The following PHTF1 variants were observed in gnomAD, a reference collection of about 807,000 sequenced individuals.
PHTF1 encodes the protein putative homeodomain transcription factor 1.
PHTF1 carries 88 observed loss-of-function variants against 102.4 expected under a neutral mutation model. That is an observed-to-expected ratio of 0.86 (90% confidence interval 0.72 to 1.03). PHTF1 has a LOEUF of 1.03. PHTF1 is among the 50% of genes least tolerant of loss of function. The probability of loss-of-function intolerance (pLI) is 0.00; values close to 1 mark genes in which losing one functional copy is unlikely to be tolerated. For synonymous variants in PHTF1, 289 were observed against 305.2 expected, an observed-to-expected ratio of 0.95 and a Z score of 0.55; for missense variants, 814 against 909.5, an observed-to-expected ratio of 0.89 and a Z score of 1.35.
chr1:113,706,521 A>C, intron 12 of PHTF1, 73 bp downstream of exon 12: 11 of 1,220,316 alleles, frequency 9.0e-6, no homozygotes, highest in Non-Finnish European at 1.0e-5. Flanking sequence ...TTAATCACTA[A>C]GAGATTCTTA....
At chr1:113,699,274 A>C (rs1649180663) in intron 17 of PHTF1, 1 of 266,574 alleles carries the variant, frequency 3.8e-6, no homozygotes, top group Non-Finnish European at 7.4e-6. Flanking sequence ...GTCTCCTCAC[A>C]CAGGGAGGAT....
At chr1:113,725,111 A>C (rs557752835) in intron 6 of PHTF1, among the ~76,000 whole-genome samples, 247 of 152,332 alleles carry the variant, frequency 1.6e-3, no homozygotes, top group Non-Finnish European at 2.8e-3. Context: ...CAGTCATTAA[A>C]GAAATAGAAC....
chr1:113,706,081 G>GT lies in PHTF1; in HGVS notation c.1479dup (p.His494ThrfsTer6). ...AGGCTCTTCTCACGGAAAAGTCGAT[G>GT]TAAGAATGGAAAAAATGCTAATCCA... On this transcript the variant is annotated frameshift_variant, in exon 13 of 19. Transcript: ENST00000369604. LOFTEE classifies it high-confidence loss of function. 1 of 1,614,062 alleles carries GT rather than the reference G, an allele frequency of 6.2e-7. No individual in the cohort carries two copies. The highest frequency in any genetic ancestry group is 2.2e-5 in the East Asian group (1 of 44,864).
At chr1:113,739,837 C>T (rs1300238035) in intron 3 of PHTF1, among the ~76,000 whole-genome samples, 1 of 152,194 alleles carries the variant, frequency 6.6e-6, no homozygotes, top group Non-Finnish European at 1.5e-5. Flanking sequence ...AAGTATTTAT[C>T]GTTCTGTGCC....
chr1:113,701,859 A>G (rs1042980197), intron 15 of PHTF1, among the ~76,000 whole-genome samples: 1 of 138,148 alleles, frequency 7.2e-6, no homozygotes, highest in Non-Finnish European at 1.5e-5. Context: ...AAAAAAAAAA[A>G]TCATTCAGAA....
chr1:113,726,542 T>C lies in PHTF1; in HGVS notation c.364A>G (p.Ile122Val), dbSNP rs778609713. Residue 122 changes from isoleucine to valine, a missense_variant, in exon 6 of 19, where the codon ATT becomes GTT. Ile to Val is a conservative substitution (Grantham distance 29, BLOSUM62 3). Coordinates refer to ENST00000369604, the MANE Select transcript of PHTF1 (RefSeq NM_001323043.2). Reference sequence around the variant, plus strand: ...CCAAGTACTTCACTTATGTTCACAATAGGCATCATCAAATATAAGACAATT... The same window carrying C: ...CCAAGTACTTCACTTATGTTCACAACAGGCATCATCAAATATAAGACAATT... ...IAIVLYLMMP[I>V]VNISEVLGPL... The C allele has an allele frequency of 4.4e-6, 7 of 1,601,576 alleles. No homozygotes were observed. The Admixed American group carries it at 8.7e-5, about 20-fold the overall frequency.
chr1:113,741,106 C>T (rs1656284991), intron 3 of PHTF1, among the ~76,000 whole-genome samples: 1 of 152,220 alleles, frequency 6.6e-6, no homozygotes, highest in African/African-American at 2.4e-5. Context: ...GATATTCAAT[C>T]ACTAAAATTA....
intron 3 of PHTF1, among the ~76,000 whole-genome samples, chr1:113,747,267 T>C (rs972398745): frequency 1.3e-5 from 2 of 152,242 alleles, no homozygotes; most frequent in African/African-American, 2.4e-5. Context: ...CTATTATATT[T>C]TCCTCTCACA....
At chr1:113,755,225 T>C (rs1408890526) in intron 3 of PHTF1, among the ~76,000 whole-genome samples, 3 of 152,176 alleles carry the variant, frequency 2.0e-5, no homozygotes, top group Non-Finnish European at 2.9e-5. Context: ...TGTATTTGTG[T>C]TCATGTATTT....
chr1:113,751,170 G>A (rs913573600), intron 3 of PHTF1, among the ~76,000 whole-genome samples: 1 of 152,008 alleles, frequency 6.6e-6, no homozygotes, highest in Non-Finnish European at 1.5e-5. Flanking sequence ...TACATTTTTG[G>A]TGTACTATAT....
intron 3 of PHTF1, among the ~76,000 whole-genome samples, chr1:113,748,738 G>A (rs1040987034): frequency 6.6e-6 from 1 of 151,956 alleles, no homozygotes; most frequent in African/African-American, 2.4e-5. Context: ...GTATCACCAT[G>A]TTGCCCAAGC....
intron 2 of PHTF1, among the ~76,000 whole-genome samples, chr1:113,758,215 G>A (rs1457800762): frequency 1.9e-5 from 2 of 104,680 alleles, no homozygotes; most frequent in South Asian, 3.3e-4. Flanking sequence ...TGGGCAACAA[G>A]AGCGAAACTC....
intron 3 of PHTF1, among the ~76,000 whole-genome samples, chr1:113,741,760 C>T (rs1179602889): frequency 6.6e-6 from 1 of 152,076 alleles, no homozygotes; most frequent in East Asian, 1.9e-4. Flanking sequence ...CAAAACACGG[C>T]TCTATCTTCA....
At chr1:113,752,354 G>A (rs1251411797) in intron 3 of PHTF1, among the ~76,000 whole-genome samples, 1 of 133,278 alleles carries the variant, frequency 7.5e-6, no homozygotes, top group Non-Finnish European at 1.6e-5. Context: ...TCTTGTATTT[G>A]AAGACCTTGC....
chr1:113,713,246 A>G, intron 8 of PHTF1, 33 bp downstream of exon 8: 3 of 1,593,668 alleles, frequency 1.9e-6, no homozygotes, highest in Non-Finnish European at 2.6e-6. Context: ...ACATGGGGAA[A>G]AAAACCCCTT....
chr1:113,706,031 A>G lies in PHTF1; in HGVS notation c.1530T>C (p.Ala510=). The change falls in exon 13 of 19, where the codon GCT becomes GCC. Residue 510 remains alanine, a synonymous_variant. Coordinates refer to ENST00000369604, the MANE Select transcript of PHTF1 (RefSeq NM_001323043.2). ...KSLDQLKSIS[A]EEILTLFCGA... ...CACAAAAGAGAGTCAAGATCTCCTC[A>G]GCTGAAATGGACTTTAGTTGGTCAA... 1.2e-6 allele frequency: 2 copies of G among 1,614,208 alleles called. No individual in the cohort carries two copies. The highest frequency in any genetic ancestry group is 1.7e-6 in the Non-Finnish European group (2 of 1,180,010).
At chr1:113,708,098 C>G (rs1650490399) in intron 11 of PHTF1, among the ~76,000 whole-genome samples, 1 of 151,968 alleles carries the variant, frequency 6.6e-6, no homozygotes, top group Admixed American at 6.6e-5. Flanking sequence ...AGCAAGCAAT[C>G]CAGAAAGAAG....
rs753250696 is a variant in PHTF1, at chr1:113,738,195, T to A, written c.246A>T (p.Val82=). The change falls in exon 5 of 19, where the codon GTA becomes GTT. Residue 82 remains valine, a synonymous_variant. Coordinates refer to ENST00000369604, the MANE Select transcript of PHTF1 (RefSeq NM_001323043.2). ...SLTRKGLVRV[V]FFPLFSNWWI... is the part of the protein sequence containing the mutation. ...ACCAATTGCTGAACAATGGAAAAAA[T>A]ACAACTCGAACAAGCCCCTTCCGAG... 6.2e-7 allele frequency: 1 copy of A among 1,613,546 alleles called. No individual in the cohort carries two copies. The highest frequency in any genetic ancestry group is 1.3e-5 in the African/African-American group (1 of 74,876).
chr1:113,758,949 C>A, intron 1 of PHTF1, 74 bp downstream of exon 1: 1 of 804,160 alleles, frequency 1.2e-6, no homozygotes, highest in Middle Eastern at 6.2e-4. Context: ...TTCGTGGGTG[C>A]GGGGGAGGGG....
Sources: allele counts gnomAD v4.1 joint callset (sites outside exome capture counted in the v4.1 genomes callset), GRCh38; gene constraint gnomAD v4.1.1; transcripts MANE v1.5; gene names NCBI Gene and HGNC (gene_info 2026-07-23, HGNC 2026-07-21).